NTM: variants seen among roughly 807,000 people sequenced by gnomAD.
NTM encodes IgLON family member 2.
NTM carries 13 observed loss-of-function variants against 42.1 expected under a neutral mutation model. That is an observed-to-expected ratio of 0.31 (90% CI 0.20 to 0.49). NTM has a LOEUF of 0.49. NTM is among the 20% of genes least tolerant of loss of function. The probability of loss-of-function intolerance (pLI) is 0.99; values close to 1 mark genes in which losing one functional copy is unlikely to be tolerated. For synonymous variants in NTM, 187 were observed against 179.2 expected (o/e 1.04, Z -0.35); for missense variants, 373 against 452.8 (o/e 0.82, Z 1.60).
At chr11:131,818,168 T>C (rs766478472) in intron 1 of NTM, among the ~76,000 whole-genome samples, 20 of 152,238 alleles carry the variant, frequency 1.3e-4, no homozygotes, top group Non-Finnish European at 2.2e-4. Flanking sequence ...GTGCATCCTT[T>C]ACAGTGATTT....
chr11:131,868,283 T>A (rs1027022257), intron 1 of NTM, among the ~76,000 whole-genome samples: 1 of 152,190 alleles, frequency 6.6e-6, no homozygotes, highest in South Asian at 2.1e-4. Context: ...CACCCTTTTT[T>A]GTCCCAGTCT....
At chr11:131,493,246 G>C (rs1036857764) in intron 1 of NTM, among the ~76,000 whole-genome samples, 20 of 151,890 alleles carry the variant, frequency 1.3e-4, no homozygotes, top group Non-Finnish European at 1.5e-5. Context: ...CTCAAATAAA[G>C]CAAATTAGAA....
intron 2 of NTM, among the ~76,000 whole-genome samples, chr11:132,018,516 AC>A (rs1207331544): frequency 6.6e-6 from 1 of 151,916 alleles, no homozygotes; most frequent in Non-Finnish European, 1.5e-5. Context: ...TTTATTATAT[AC>A]TATATTTCAT....
chr11:132,012,990 T>G (rs1196486523), intron 2 of NTM, among the ~76,000 whole-genome samples: 1 of 152,104 alleles, frequency 6.6e-6, no homozygotes, highest in East Asian at 1.9e-4. Context: ...CTTACTGTGT[T>G]TGGGATGCTT....
At chr11:131,564,447 A>G (rs996690478) in intron 1 of NTM, among the ~76,000 whole-genome samples, 4 of 121,818 alleles carry the variant, frequency 3.3e-5, no homozygotes, top group Admixed American at 1.4e-4. Context: ...GGGTAGGGGG[A>G]GAGAGAGAGG....
At chr11:131,727,039 C>T (rs887456841) in intron 1 of NTM, among the ~76,000 whole-genome samples, 1 of 151,370 alleles carries the variant, frequency 6.6e-6, no homozygotes, top group South Asian at 2.1e-4. Context: ...CAGGCTGCAG[C>T]CCCTAACCCC....
intron 3 of NTM, among the ~76,000 whole-genome samples, chr11:132,176,655 C>A (rs59203365): frequency 1.6e-3 from 223 of 142,082 alleles, no homozygotes; most frequent in African/African-American, 5.6e-3. Flanking sequence ...TCATATATTT[C>A]TTAGTATTCT....
chr11:131,907,799 A>G (rs951599297), intron 1 of NTM, among the ~76,000 whole-genome samples: 3 of 152,192 alleles, frequency 2.0e-5, no homozygotes, highest in African/African-American at 7.2e-5. Context: ...AAAATAAAAT[A>G]AATCCAGCAG....
chr11:131,513,372 C>T (rs1466692599), intron 1 of NTM, among the ~76,000 whole-genome samples: 2 of 152,056 alleles, frequency 1.3e-5, no homozygotes. Context: ...ATAGGAGGCA[C>T]CCAAGAGGTC....
chr11:131,805,068 C>G (rs1247121603), intron 1 of NTM, among the ~76,000 whole-genome samples: 1 of 152,196 alleles, frequency 6.6e-6, no homozygotes, highest in Non-Finnish European at 1.5e-5. Flanking sequence ...TAATCACTCT[C>G]AGGCATTTTG....
At chr11:131,432,613 AT>A in intron 1 of NTM, among the ~76,000 whole-genome samples, 1 of 152,188 alleles carries the variant, frequency 6.6e-6, no homozygotes, top group African/African-American at 2.4e-5. Flanking sequence ...AAAATCGTGT[AT>A]TTTTTGTGAA....
Position 132,146,250 on chromosome 11 carries a change from C to G in NTM, c.168-32C>G. On this transcript the variant is annotated intron_variant, in intron 2 of 8. Transcript: ENST00000683400. This position sits in a 1 kb window ranked among gnomAD's most constrained non-coding sequence, Gnocchi z 4.5. ...CTGATGGCTGCTGTCGTCTCTCAGT[C>G]CCTTGACGTACCTGTCTGGTCTTCC... is the stretch of plus-strand genomic sequence containing the variant. 6.2e-7 allele frequency: 1 copy of G among 1,612,300 alleles called. No individual in the cohort carries two copies. Among genetic ancestry groups the G allele is most frequent in the African/African-American group, 1.3e-5 (1 of 75,022 alleles).
intron 1 of NTM, among the ~76,000 whole-genome samples, chr11:131,695,228 T>C (rs1284426557): frequency 3.0e-5 from 4 of 135,058 alleles, no homozygotes; most frequent in Admixed American, 2.6e-4. Flanking sequence ...ATTCAGAGTG[T>C]GGCCTTAGTG....
At chr11:131,972,955 TAACC>T (rs2063770677) in intron 2 of NTM, among the ~76,000 whole-genome samples, 1 of 152,078 alleles carries the variant, frequency 6.6e-6, no homozygotes, top group South Asian at 2.1e-4. Context: ...AATTCAACAA[TAACC>T]AGGCAGATAA....
At chr11:131,915,040 G>A (rs374287120) in intron 2 of NTM, among the ~76,000 whole-genome samples, 142 of 152,286 alleles carry the variant, frequency 9.3e-4, no homozygotes, top group Admixed American at 8.5e-4. Flanking sequence ...TAACAATCAC[G>A]TTAATAAGAT....
intron 1 of NTM, among the ~76,000 whole-genome samples, chr11:131,644,452 C>G (rs1299747081): frequency 6.6e-6 from 1 of 152,130 alleles, no homozygotes; most frequent in Admixed American, 6.5e-5. Context: ...TCCCATCAGT[C>G]CAGTCTCATG....
intron 1 of NTM, among the ~76,000 whole-genome samples, chr11:131,733,547 A>G (rs978724234): frequency 8.2e-6 from 1 of 121,488 alleles, no homozygotes; most frequent in African/African-American, 3.2e-5. Context: ...TTGTTTTTTG[A>G]TGGAGAGTCT....
rs1294559769 is a variant in NTM at position 132,253,679 on chromosome 11, T to C, written c.526+41532T>C. Reference sequence around the variant, plus strand: ...TGGCCAGCTGGTTTCAGAGTCAACATGATCACTACCAATTACCCTGACTTC... The same window carrying C: ...TGGCCAGCTGGTTTCAGAGTCAACACGATCACTACCAATTACCCTGACTTC... On this transcript the variant is annotated intron_variant, in intron 4 of 8. Coordinates refer to ENST00000683400, the MANE Select transcript of NTM (RefSeq NM_001352005.2). 2.0e-5 allele frequency among the ~76,000 whole-genome samples: 3 copies of C among 152,200 alleles called. No homozygotes were observed. The East Asian group carries it at 5.8e-4, about 29-fold the overall frequency.
intron 1 of NTM, among the ~76,000 whole-genome samples, chr11:131,573,335 A>G (rs2057631479): frequency 6.6e-6 from 1 of 152,164 alleles, no homozygotes; most frequent in Admixed American, 6.5e-5. Flanking sequence ...GTTTTTCAAT[A>G]CTGTAGAAAG....
Sources: allele counts gnomAD v4.1 joint callset (sites outside exome capture counted in the v4.1 genomes callset), GRCh38; gene constraint gnomAD v4.1.1; non-coding constraint Gnocchi (gnomAD v3.1); transcripts MANE v1.5; gene names NCBI Gene and HGNC (gene_info 2026-07-23, HGNC 2026-07-21).